Variants in KIF21B observed in about 807,000 individuals in gnomAD.
The protein encoded by KIF21B is kinesin-like protein KIF21B.
Under a neutral mutation model 192.9 loss-of-function variants are expected in KIF21B, and 85 were observed. That is an observed-to-expected ratio of 0.44 (90% CI 0.37 to 0.53). The LOEUF (loss-of-function observed/expected upper bound fraction) is 0.53. Ranked by LOEUF, KIF21B falls within the 20% of genes least tolerant of loss-of-function variation. KIF21B has a pLI of 0.00. For missense variants in KIF21B, 1,716 were observed against 2,194.8 expected, an observed-to-expected ratio of 0.78 and a Z score of 4.36; for synonymous variants, 832 against 884.6, an observed-to-expected ratio of 0.94 and a Z score of 1.05.
intron 1 of KIF21B, among the ~76,000 whole-genome samples, chr1:201,016,125 G>T (rs1350658551): frequency 6.6e-6 from 1 of 152,202 alleles, no homozygotes; most frequent in Non-Finnish European, 1.5e-5. Context: ...CAAGCTCAAA[G>T]TCACACAATT....
At position 200,998,034 on chromosome 1, in the gene KIF21B, A is replaced by G. The variant is rs1657191256; in HGVS notation, c.2077+350T>C. On this transcript the variant is annotated intron_variant, in intron 14 of 34. Coordinates refer to ENST00000461742, the MANE Select transcript of KIF21B (RefSeq NM_001252102.2). The surrounding 1 kb of genome is among the most constrained non-coding windows in gnomAD (Gnocchi z 4.3). ...GAATGAATGGGCTGAAGAGCAGCAT[A>G]ATGAAGATAGAATGTAAGAACGGTT... Among the ~76,000 whole-genome samples the G allele has an allele frequency of 6.6e-6, 1 of 152,234 alleles. No homozygotes were observed. The highest frequency in any genetic ancestry group is 1.5e-5 in the Non-Finnish European group (1 of 68,036).
rs1490295364 is a variant in KIF21B at position 201,009,062 on chromosome 1, T to G, written c.265-111A>C. ...CATCTACCTCCCAGCCCGGTTCCCC[T>G]GCTGCTTTCTTGGTCCTGAAGCCAC... is the stretch of plus-strand genomic sequence containing the variant. On this transcript the variant is annotated intron_variant, in intron 2 of 34. Coordinates refer to ENST00000461742, the MANE Select transcript of KIF21B (RefSeq NM_001252102.2). The G allele has an allele frequency of 6.8e-6, 9 of 1,331,866 alleles. No homozygotes were observed. The East Asian group carries it at 1.9e-4, about 28-fold the overall frequency. 82.5% of individuals were successfully genotyped at this position (1,331,866 alleles called of 1,614,324 possible).
At chr1:201,008,564 C>T (rs757440706) in intron 3 of KIF21B, among the ~76,000 whole-genome samples, 3 of 152,188 alleles carry the variant, frequency 2.0e-5, no homozygotes, top group Non-Finnish European at 4.4e-5. Flanking sequence ...ACTCAAGCTC[C>T]ATCTGATGCA....
intron 23 of KIF21B, 53 bp from the exon 24 acceptor site, chr1:200,988,406 C>G: frequency 6.2e-7 from 1 of 1,612,260 alleles, no homozygotes; most frequent in Non-Finnish European, 8.5e-7. Flanking sequence ...CAAATTCAGG[C>G]TCAGCCCTGG....
chr1:201,014,380 A>G (rs1307293554), intron 1 of KIF21B, among the ~76,000 whole-genome samples: 1 of 152,238 alleles, frequency 6.6e-6, no homozygotes, highest in Non-Finnish European at 1.5e-5. Flanking sequence ...AGCTGAGCTC[A>G]GCGGATCCTC....
rs1020476490 is a variant in KIF21B, at chr1:200,997,199, T to C, written c.2078-804A>G. On this transcript the variant is annotated intron_variant, in intron 14 of 34. Coordinates refer to ENST00000461742, the MANE Select transcript of KIF21B (RefSeq NM_001252102.2). ...CGTAGCTCTCTTGAAACTCCACACA[T>C]CCCGTCTCCCTCAGAGTATAAGGCA... Among the ~76,000 whole-genome samples, 4 of 152,136 alleles carry C rather than the reference T, an allele frequency of 2.6e-5. No homozygotes were observed. The South Asian group carries it at 8.3e-4, about 32-fold the overall frequency.
intron 34 of KIF21B, chr1:200,973,882 G>C (rs1655365665): frequency 2.7e-6 from 4 of 1,462,408 alleles, no homozygotes; most frequent in East Asian, 5.0e-5. Context: ...ATCTCCTGGG[G>C]CCTGTCCCAC....
In KIF21B at chr1:201,005,708, A is replaced by G. The variant is rs199778696; in HGVS notation, c.448-14T>C. Reference sequence around the variant, plus strand: ...CTCGTTGTAGAGCTGTGCAGGAAGGAAACAGCTGAATTCATAGGGCATTCA... The same window carrying G: ...CTCGTTGTAGAGCTGTGCAGGAAGGGAACAGCTGAATTCATAGGGCATTCA... On this transcript the variant is annotated splice_polypyrimidine_tract_variant and intron_variant, in intron 3 of 34. Transcript: ENST00000461742. 2.2e-4 allele frequency: 360 copies of G among 1,612,254 alleles called. No individual in the cohort carries two copies. In the African/African-American group the frequency reaches 4.5e-3, roughly 20 times the overall value.
intron 2 of KIF21B, 144 bp from the exon 3 acceptor site, chr1:201,009,095 G>A: frequency 1.7e-6 from 2 of 1,183,520 alleles, no homozygotes; most frequent in Non-Finnish European, 2.3e-6. Flanking sequence ...CACACTCTGG[G>A]GAAATCACTG....
chr1:201,000,608 C>G lies in KIF21B; in HGVS notation c.1467G>C (p.Arg489=), dbSNP rs1657428657. 6.2e-7 allele frequency: 1 copy of G among 1,613,294 alleles called. No homozygotes were observed. Among genetic ancestry groups the G allele is most frequent in the Non-Finnish European group, 8.5e-7 (1 of 1,179,884 alleles). Residue 489 remains arginine (R), a splice_region_variant and synonymous_variant, in exon 11 of 35, where the codon CGG becomes CGC. Coordinates refer to ENST00000461742, the MANE Select transcript of KIF21B (RefSeq NM_001252102.2). This position sits in a 1 kb window ranked among gnomAD's most constrained non-coding sequence, Gnocchi z 6.0. ...QNYIREIEEL[R]TKLLESEAMN... ...TGGCTTCACTCTCTAGAAGCTTAGT[C>G]CTGCACAGGAAGAACGAGTGGACGG...
intron 15 of KIF21B, among the ~76,000 whole-genome samples, chr1:200,992,737 T>C (rs552702266): frequency 2.3e-4 from 35 of 152,278 alleles, no homozygotes; most frequent in Admixed American, 2.2e-3. Flanking sequence ...AGAAACAGTC[T>C]GGGTTGCTGG....
chr1:201,005,799 G>A (rs1657785617), intron 3 of KIF21B, 105 bp from the exon 4 acceptor site: 2 of 1,229,146 alleles, frequency 1.6e-6, no homozygotes, highest in South Asian at 1.4e-5. Context: ...GGAAACTGAG[G>A]CTGTGGGTCC....
At position 201,023,417 on chromosome 1, in the gene KIF21B, G is replaced by C. The variant is rs1226681678; in HGVS notation, c.-34C>G. 6 of 1,430,790 alleles carry C rather than the reference G, an allele frequency of 4.2e-6. No homozygotes were observed. The South Asian group carries it at 5.7e-5, about 14-fold the overall frequency. The allele number at this position is 1,430,790 out of a possible 1,614,324, so 88.6% of individuals were successfully genotyped here. ...GGAGCTAGGGTCTGGGCGTGGATCA[G>C]AGGCGGGGGTCTGGGGGCCAATGCC... On this transcript the variant is annotated 5_prime_UTR_variant, in exon 1 of 35. Coordinates refer to ENST00000461742, the MANE Select transcript of KIF21B (RefSeq NM_001252102.2). This position sits in a 1 kb window ranked among gnomAD's most constrained non-coding sequence, Gnocchi z 5.9.
Position 201,023,155 on chromosome 1 carries a change from C to T in KIF21B, c.41+188G>A, listed in dbSNP as rs1015605394. ...CCAAACAAAGCCACCTTCCAGTAGT[C>T]GGCGGGGTCGCCGCTCCCCTGCGGC... On this transcript the variant is annotated intron_variant, in intron 1 of 34. Transcript: ENST00000461742. The surrounding 1 kb of genome is among the most constrained non-coding windows in gnomAD (Gnocchi z 5.9). Among the ~76,000 whole-genome samples, 7 of 152,268 alleles carry T rather than the reference C, an allele frequency of 4.6e-5. No homozygotes were observed. The highest frequency in any genetic ancestry group is 1.7e-4 in the African/African-American group (7 of 41,476).
chr1:200,979,411 T>G (rs1571912460), intron 30 of KIF21B, 124 bp downstream of exon 30: 5 of 638,756 alleles, frequency 7.8e-6, no homozygotes. Context: ...CATAGGCTGG[T>G]AATGGTCTCT....
intron 28 of KIF21B, 81 bp from the exon 29 acceptor site, chr1:200,981,177 T>TG (rs1275561915): frequency 6.8e-7 from 1 of 1,462,706 alleles, no homozygotes; most frequent in Non-Finnish European, 9.1e-7. Context: ...GTGTGTGGGA[T>TG]GGGGACAGGG....
rs541811989 is a variant in KIF21B at position 200,991,695 on chromosome 1, G to A, written c.2416C>T (p.Arg806Trp). 1.2e-5 allele frequency: 19 copies of A among 1,614,162 alleles called. No individual in the cohort carries two copies. In the African/African-American group the frequency reaches 1.7e-4, roughly 15 times the overall value. The change falls in exon 17 of 35, where the codon CGG (arginine) becomes TGG (tryptophan). Residue 806 changes from arginine (R) to tryptophan (W), a missense_variant. Arg to Trp is a moderately radical substitution (Grantham distance 101, BLOSUM62 -3). This residue lies in a region of KIF21B where 1,087 missense variants were observed against 1,316.6 expected (regional missense o/e 0.83). Coordinates refer to ENST00000461742, the MANE Select transcript of KIF21B (RefSeq NM_001252102.2). ...FQIRALESQKRQQEMVLRRKT... is the reference protein window; with the variant it reads ...FQIRALESQKWQQEMVLRRKT... Reference sequence around the variant, plus strand: ...CTCCTCAGGACCATCTCCTGCTGCCGCTTCTGGGACTCCAGAGCTCGGATC... The same window carrying A: ...CTCCTCAGGACCATCTCCTGCTGCCACTTCTGGGACTCCAGAGCTCGGATC...
At chr1:200,976,742 A>G (rs776417304) in intron 32 of KIF21B, 34 bp downstream of exon 32, 2 of 1,411,366 alleles carry the variant, frequency 1.4e-6, no homozygotes, top group Non-Finnish European at 9.9e-7. Flanking sequence ...AGAGTGGAAG[A>G]CCAGCCCCGA....
At chr1:200,992,419 A>T (rs1656764931) in intron 15 of KIF21B, 30 bp from the exon 16 acceptor site, 2 of 1,607,602 alleles carry the variant, frequency 1.2e-6, no homozygotes, top group Non-Finnish European at 1.7e-6. Flanking sequence ...TGGTGGTGAG[A>T]CAGGGCTGGG....
Sources: allele counts gnomAD v4.1 joint callset (sites outside exome capture counted in the v4.1 genomes callset), GRCh38; gene constraint gnomAD v4.1.1; regional missense constraint gnomAD v4.1.1; non-coding constraint Gnocchi (gnomAD v3.1); transcripts MANE v1.5; gene names NCBI Gene and HGNC (gene_info 2026-07-23, HGNC 2026-07-21).